Variants in STS observed in about 807,000 individuals in gnomAD.
The protein encoded by STS is steryl-sulfatase.
In STS, 7 loss-of-function variants were observed where a neutral mutation model predicts 26.8. That is an observed-to-expected ratio of 0.26 (90% CI 0.15 to 0.49). The LOEUF is 0.49. Among genes scored for constraint, STS ranks in the 20% least tolerant of loss-of-function variants. STS has a pLI of 0.98. For synonymous variants in STS, 199 were observed against 189.4 expected (o/e 1.05, Z -0.42); for missense variants, 434 against 465.6 (o/e 0.93, Z 0.63).
intron 2 of STS, among the ~76,000 whole-genome samples, chrX:7,226,151 A>G (rs1921795140): frequency 8.9e-6 from 1 of 112,171 alleles, no homozygotes; most frequent in Non-Finnish European, 1.9e-5. Context: ...GCCCCTCTCT[A>G]ATCAATACCC....
rs1922367872 is a variant in STS, at chrX:7,237,298, C to CACACAA, written c.-4-15892_-4-15887dup. ...CCTTTTAAATACAAACATGCACACA[C>CACACAA]ACACAAACACACACTTTTTGTTGTT... is the stretch of plus-strand genomic sequence containing the variant. On this transcript the variant is annotated intron_variant, in intron 2 of 10. Transcript: ENST00000674429. 2.8e-5 allele frequency among the ~76,000 whole-genome samples: 3 copies of CACACAA among 108,881 alleles called. No homozygotes were observed. In the Admixed American group the frequency reaches 3.0e-4, roughly 11 times the overall value. 94.6% of individuals were successfully genotyped at this position (108,881 alleles called of 115,157 possible).
intron 2 of STS, among the ~76,000 whole-genome samples, chrX:7,195,113 A>T (rs778853062): frequency 8.9e-5 from 10 of 112,374 alleles, no homozygotes; most frequent in African/African-American, 3.2e-4. Flanking sequence ...GTAGTACATG[A>T]CTATATTTAT....
intron 1 of STS, among the ~76,000 whole-genome samples, chrX:7,148,732 C>A (rs1310083826): frequency 1.8e-5 from 2 of 112,140 alleles, no homozygotes. Context: ...GCGCAGTGTG[C>A]GGAGAGGCTG....
At chrX:7,172,789 T>C (rs1313796292) in intron 1 of STS, among the ~76,000 whole-genome samples, 1 of 111,695 alleles carries the variant, frequency 9.0e-6, no homozygotes, top group Non-Finnish European at 1.9e-5. Context: ...AATAATGAGT[T>C]CTTACCTACA....
intron 6 of STS, among the ~76,000 whole-genome samples, chrX:7,269,923 T>C (rs1476691777): frequency 9.8e-5 from 11 of 111,883 alleles, no homozygotes; most frequent in Admixed American, 8.5e-4. Flanking sequence ...GGTCAGACAC[T>C]CAGATGAAGA....
chrX:7,266,553 A>C (rs1924017439), intron 6 of STS, among the ~76,000 whole-genome samples: 1 of 111,944 alleles, frequency 8.9e-6, no homozygotes, highest in Non-Finnish European at 1.9e-5. Flanking sequence ...TATCTGGGGG[A>C]GATGCTTCTA....
chrX:7,349,954 T>C lies in STS; in HGVS notation c.1430T>C (p.Phe477Ser), dbSNP rs1267244698. The C allele has an allele frequency of 5.8e-6, 7 of 1,210,164 alleles. No homozygotes were observed. Among genetic ancestry groups the C allele is most frequent in the Non-Finnish European group, 7.8e-6 (7 of 895,206 alleles). The change falls in exon 11 of 11, where the codon TTT becomes TCT. Residue 477 changes from phenylalanine (F) to serine (S), a missense_variant. By Grantham distance (155) the Phe-to-Ser change is radical. Transcript: ENST00000674429. ...AACCCCGTGGGTTCCAACGGATGCT[T>C]TGCCACACACGTGTGCTTCTGTTTC... ...NFNPVGSNGC[F>S]ATHVCFCFGS...
chrX:7,161,876 A>G (rs1464929526), intron 1 of STS, among the ~76,000 whole-genome samples: 12 of 111,998 alleles, frequency 1.1e-4, no homozygotes, highest in Non-Finnish European at 2.3e-4. Context: ...GTTGGTATCT[A>G]TAGTGACATT....
chrX:7,322,258 G>A (rs1233202806), intron 8 of STS, among the ~76,000 whole-genome samples: 2 of 112,008 alleles, frequency 1.8e-5, no homozygotes, highest in African/African-American at 6.5e-5. Context: ...GAGACCTCCT[G>A]TGTAGCAGTC....
intron 2 of STS, among the ~76,000 whole-genome samples, chrX:7,193,557 A>T (rs1487859123): frequency 2.7e-5 from 3 of 111,103 alleles, no homozygotes; most frequent in Non-Finnish European, 1.9e-5. Context: ...AATTAAAAAT[A>T]TGCAGCTGAA....
chrX:7,180,749 G>A (rs973778660), intron 1 of STS, among the ~76,000 whole-genome samples: 10 of 112,332 alleles, frequency 8.9e-5, no homozygotes, highest in African/African-American at 1.6e-4. Context: ...CATAGAAGTC[G>A]TCAGCTGAGA....
intron 2 of STS, among the ~76,000 whole-genome samples, chrX:7,205,713 T>C (rs1209149627): frequency 1.9e-5 from 2 of 105,199 alleles, no homozygotes; most frequent in Non-Finnish European, 3.9e-5. Flanking sequence ...AGTGCAGTGA[T>C]GCGATCATAG....
Position 7,233,091 on chromosome X carries a change from CTTTTTTTTTTT to C in STS, c.-4-20095_-4-20085del, listed in dbSNP as rs3077766. Among the ~76,000 whole-genome samples the C allele has an allele frequency of 3.0e-3, 209 of 69,879 alleles. 2 individuals carry two copies. Among genetic ancestry groups the C allele is most frequent in the Non-Finnish European group, 4.2e-3 (156 of 37,336 alleles). 60.7% of individuals were successfully genotyped at this position (69,879 alleles called of 115,157 possible). A position where few individuals can be genotyped will look rare whatever the true frequency, so the allele number is the denominator to read the frequency against. On this transcript the variant is annotated intron_variant, in intron 2 of 10. Coordinates refer to ENST00000674429, the MANE Select transcript of STS (RefSeq NM_001320752.2). ...CTTGGTCTCAGATATTTCTTTTTTT[CTTTTTTTTTTT>C]TTTTTTTTTGAGATGGAGTCTCACT...
intron 1 of STS, among the ~76,000 whole-genome samples, chrX:7,181,678 T>C (rs1357194219): frequency 1.8e-5 from 2 of 112,264 alleles, no homozygotes; most frequent in Non-Finnish European, 3.8e-5. Context: ...GACTTAGCTC[T>C]GGCCTTGAAA....
intron 9 of STS, 72 bp downstream of exon 9, chrX:7,325,570 C>A (rs927176818): frequency 1.7e-6 from 2 of 1,150,369 alleles, no homozygotes; most frequent in South Asian, 1.8e-5. Flanking sequence ...GGTTTGCCTG[C>A]ATAATGGTGT....
chrX:7,232,904 A>G (rs1922129070), intron 2 of STS, among the ~76,000 whole-genome samples: 1 of 110,313 alleles, frequency 9.1e-6, no homozygotes, highest in African/African-American at 3.3e-5. Flanking sequence ...TGATGGTTTT[A>G]TAAGGGGCTT....
chrX:7,325,488 C>T lies in STS; in HGVS notation c.1231C>T (p.Pro411Ser). Residue 411 changes from proline to serine, a missense_variant, in exon 9 of 11, where the codon CCT (proline) becomes TCT (serine). Coordinates refer to ENST00000674429, the MANE Select transcript of STS (RefSeq NM_001320752.2). Reference protein sequence around the residue: ...TVAKLAGAPLPEDRIIDGRDL... With the variant: ...TVAKLAGAPLSEDRIIDGRDL... ...AGCCAAGCTGGCTGGAGCTCCCTTG[C>T]CTGAGGACAGGTACTCTGATGCCAG... 8.3e-7 allele frequency: 1 copy of T among 1,210,948 alleles called. No homozygotes were observed. The highest frequency in any genetic ancestry group is 3.0e-5 in the East Asian group (1 of 33,809).
In STS at chrX:7,220,979, G is replaced by A. The variant is rs765945514; in HGVS notation, c.-5+29971G>A. Reference sequence around the variant, plus strand: ...ACTCTGGTCTGACTTCGTGTAAACAGCTGAGTGGAACTCATCTTCCTTGTC... The same window carrying A: ...ACTCTGGTCTGACTTCGTGTAAACAACTGAGTGGAACTCATCTTCCTTGTC... On this transcript the variant is annotated intron_variant, in intron 2 of 10. Transcript: ENST00000674429. Among the ~76,000 whole-genome samples the A allele has an allele frequency of 3.6e-5, 4 of 111,823 alleles. No homozygotes were observed. In the East Asian group the frequency reaches 1.1e-3, roughly 32 times the overall value.
intron 2 of STS, among the ~76,000 whole-genome samples, chrX:7,226,489 G>A (rs4830673): frequency 0.23 from 26,019 of 111,065 alleles, 2,517 homozygotes; most frequent in Admixed American, 0.4. Context: ...TTTAAACATC[G>A]AGTAGTGTAA....
Sources: gnomAD v4.1 joint callset for allele counts (sites outside exome capture counted in the v4.1 genomes callset) on GRCh38, gnomAD v4.1.1 for gene constraint, MANE v1.5 for transcripts, NCBI Gene and HGNC (gene_info 2026-07-23, HGNC 2026-07-21) for gene names.